UTRN: variants seen among roughly 807,000 people sequenced by gnomAD.
The protein encoded by UTRN is dystrophin-related protein 1.
UTRN carries 283 observed loss-of-function variants against 463.9 expected under a neutral mutation model. The ratio of observed to expected loss-of-function variants is 0.61; its 90% CI spans 0.55 to 0.67. The LOEUF (loss-of-function observed/expected upper bound fraction) is 0.67. Ranked by LOEUF, UTRN falls within the 30% of genes least tolerant of loss-of-function variation. UTRN has a pLI of 0.00. For synonymous variants in UTRN, 1,442 were observed against 1,431.5 expected (o/e 1.01, Z -0.17); for missense variants, 3,922 against 4,084.3 (o/e 0.96, Z 1.08).
intron 34 of UTRN, among the ~76,000 whole-genome samples, chr6:144,503,520 T>G (rs1794410077): frequency 6.6e-6 from 1 of 152,180 alleles, no homozygotes; most frequent in Non-Finnish European, 1.5e-5. Context: ...CTTTCCCTAT[T>G]GCTTGTTTTT....
At chr6:144,417,665 G>C (rs184787100) in intron 3 of UTRN, among the ~76,000 whole-genome samples, 1 of 152,120 alleles carries the variant, frequency 6.6e-6, no homozygotes, top group Non-Finnish European at 1.5e-5. Flanking sequence ...GTAATATTTT[G>C]TGACATGTGG....
chr6:144,707,008 A>G (rs1785164778), intron 53 of UTRN: 1 of 152,236 alleles, frequency 6.6e-6, no homozygotes, highest in African/African-American at 2.4e-5. Flanking sequence ...CATAGCACAT[A>G]GAGCACAGCA....
At position 144,441,793 on chromosome 6, in the gene UTRN, C is replaced by A. The variant is rs534385018; in HGVS notation, c.1512+1322C>A. Among the ~76,000 whole-genome samples, 3 of 152,298 alleles carry A rather than the reference C, an allele frequency of 2.0e-5. 1 individual carries two copies. In the South Asian group the frequency reaches 6.2e-4, roughly 32 times the overall value. On this transcript the variant is annotated intron_variant, in intron 13 of 74. Coordinates refer to ENST00000367545, the MANE Select transcript of UTRN (RefSeq NM_007124.3). ...GGACATCCACGTGTTTCCATACATC[C>A]TCTGAAATCTAGGTGGATGTTCCCA...
In UTRN at chr6:144,485,397, T is replaced by C. The variant is rs1792337791; in HGVS notation, c.3700T>C (p.Cys1234Arg). Residue 1234 changes from cysteine to arginine, a missense_variant, in exon 28 of 75, where the codon TGT becomes CGT. Physicochemically the swap from Cys to Arg is radical, Grantham distance 180. Around this residue, in one of 3 missense-constraint regions of UTRN, gnomAD observed 2,349 missense variants for 2,303.8 expected, o/e 1.02. Coordinates refer to ENST00000367545, the MANE Select transcript of UTRN (RefSeq NM_007124.3). The part of the protein sequence containing the change: ...KCHTLEEVWS[C>R]WIELLHYLDL... ...TTTCATGCTTTAGGAGGTCTGGTCT[T>C]GTTGGATTGAACTGCTTCACTATTT... 6.2e-7 allele frequency: 1 copy of C among 1,614,044 alleles called. No homozygotes were observed. Among genetic ancestry groups the C allele is most frequent in the African/African-American group, 1.3e-5 (1 of 74,928 alleles).
Position 144,396,535 on chromosome 6 carries a change from T to C in UTRN, c.80-6588T>C, listed in dbSNP as rs192204493. On this transcript the variant is annotated intron_variant, in intron 2 of 74. Coordinates refer to ENST00000367545, the MANE Select transcript of UTRN (RefSeq NM_007124.3). The stretch of plus-strand genomic sequence containing the variant: ...CTGAAATCACAAATATTGTTATGTA[T>C]TTTACCACAATTAAAAAAAATCTAT... 2.1e-3 allele frequency among the ~76,000 whole-genome samples: 326 copies of C among 152,326 alleles called. 1 individual carries two copies. Among genetic ancestry groups the C allele is most frequent in the Middle Eastern group, 0.014 (4 of 294 alleles).
chr6:144,695,508 T>C (rs1026545266), intron 52 of UTRN, among the ~76,000 whole-genome samples: 6 of 152,130 alleles, frequency 3.9e-5, no homozygotes, highest in Admixed American at 6.5e-5. Context: ...TACGCCCAGC[T>C]AATTTTTTGT....
At chr6:144,626,019 T>A (rs1034686822) in intron 51 of UTRN, among the ~76,000 whole-genome samples, 1 of 152,210 alleles carries the variant, frequency 6.6e-6, no homozygotes, top group African/African-American at 2.4e-5. Flanking sequence ...TTTCTATAGC[T>A]GTATCACAGA....
intron 54 of UTRN, among the ~76,000 whole-genome samples, chr6:144,736,270 G>T (rs1425225731): frequency 6.6e-6 from 1 of 152,186 alleles, no homozygotes; most frequent in South Asian, 2.1e-4. Context: ...AGTACTCAAT[G>T]TTGGAGAGGT....
At position 144,851,207 on chromosome 6, in the gene UTRN, T is replaced by C; in HGVS notation, c.*210T>C. 1 of 612,062 alleles carries C rather than the reference T, an allele frequency of 1.6e-6. No homozygotes were observed. The highest frequency in any genetic ancestry group is 2.8e-5 in the East Asian group (1 of 35,538). The allele number at this position is 612,062 out of a possible 1,614,324, so 37.9% of individuals were successfully genotyped here. A position where few individuals can be genotyped will look rare whatever the true frequency, so the allele number is the denominator to read the frequency against. On this transcript the variant is annotated 3_prime_UTR_variant, in exon 75 of 75. Transcript: ENST00000367545. ...TTATAATAACCATATATTATTGTTT[T>C]CTTCTTCCCTTTCTATGCAAGTGTA...
Position 144,636,961 on chromosome 6 carries a change from T to TTTTG in UTRN, c.7480-41425_7480-41422dup, listed in dbSNP as rs537561607. Among the ~76,000 whole-genome samples, 37 of 152,176 alleles carry TTTTG rather than the reference T, an allele frequency of 2.4e-4. No homozygotes were observed. In the Middle Eastern group the frequency reaches 0.017, roughly 70 times the overall value. Reference sequence around the variant, plus strand: ...GTTGAAATCGTGCTTCTTTCTTGATTTTTGTTTGTTTGTTTGTTTGTTTTT... The same window carrying TTTTG: ...GTTGAAATCGTGCTTCTTTCTTGATTTTTGTTTGTTTGTTTGTTTGTTTGTTTTT... On this transcript the variant is annotated intron_variant, in intron 51 of 74. Transcript: ENST00000367545.
At chr6:144,428,944 T>A in intron 8 of UTRN, 51 bp downstream of exon 8, 1 of 1,229,704 alleles carries the variant, frequency 8.1e-7, no homozygotes, top group Non-Finnish European at 1.1e-6. Flanking sequence ...CAGTTTTGCA[T>A]TCTTGAAAAG....
In UTRN at chr6:144,291,760, C is replaced by A; in HGVS notation, c.-69C>A. ...AGGTATTGATGTCAAGCTGAACCAT[C>A]GTAGGAAGTTGAAAGCCTTAGAAAG... is the stretch of plus-strand genomic sequence containing the variant. On this transcript the variant is annotated 5_prime_UTR_variant, in exon 2 of 75. Coordinates refer to ENST00000367545, the MANE Select transcript of UTRN (RefSeq NM_007124.3). 3 of 1,418,016 alleles carry A rather than the reference C, an allele frequency of 2.1e-6. No homozygotes were observed. Among genetic ancestry groups the A allele is most frequent in the South Asian group, 1.3e-5 (1 of 78,556 alleles). The allele number at this position is 1,418,016 out of a possible 1,614,324, so 87.8% of individuals were successfully genotyped here. A position where few individuals can be genotyped will look rare whatever the true frequency, so the allele number is the denominator to read the frequency against.
intron 51 of UTRN, among the ~76,000 whole-genome samples, chr6:144,633,873 A>G (rs1310026793): frequency 6.6e-6 from 1 of 152,234 alleles, no homozygotes; most frequent in Non-Finnish European, 1.5e-5. Flanking sequence ...GTCAGAAAAT[A>G]TTTCCTCACT....
intron 19 of UTRN, among the ~76,000 whole-genome samples, chr6:144,457,904 A>G (rs1789027236): frequency 6.6e-6 from 1 of 152,160 alleles, no homozygotes; most frequent in African/African-American, 2.4e-5. Context: ...TCCTTTTGGT[A>G]TGCATGTTTT....
intron 53 of UTRN, among the ~76,000 whole-genome samples, chr6:144,711,083 C>T (rs539214905): frequency 6.6e-5 from 10 of 152,180 alleles, no homozygotes; most frequent in East Asian, 3.9e-4. Flanking sequence ...TTTGGGAAGC[C>T]GAGGCGGGTG....
chr6:144,475,964 T>C (rs1037753215), intron 25 of UTRN, among the ~76,000 whole-genome samples: 1 of 151,056 alleles, frequency 6.6e-6, no homozygotes, highest in Non-Finnish European at 1.5e-5. Context: ...TAGTCCCAGC[T>C]ACTTAGGAGG....
chr6:144,850,031 G>A (rs548533327), intron 74 of UTRN, among the ~76,000 whole-genome samples: 1 of 152,280 alleles, frequency 6.6e-6, no homozygotes, highest in South Asian at 2.1e-4. Context: ...TTCACAGGAG[G>A]GCCTCCCCTC....
chr6:144,410,335 A>G (rs1783774629), intron 3 of UTRN, among the ~76,000 whole-genome samples: 1 of 152,170 alleles, frequency 6.6e-6, no homozygotes, highest in Admixed American at 6.5e-5. Flanking sequence ...GTATACATGG[A>G]ATAAGCTATA....
chr6:144,837,848 A>T (rs1056812207), intron 71 of UTRN, among the ~76,000 whole-genome samples: 2 of 152,186 alleles, frequency 1.3e-5, no homozygotes, highest in Admixed American at 6.5e-5. Context: ...GTTCAATGGA[A>T]GGCTTACTTC....
Sources: gnomAD v4.1 joint callset for allele counts (sites outside exome capture counted in the v4.1 genomes callset) on GRCh38, gnomAD v4.1.1 for gene constraint, gnomAD v4.1.1 regional missense constraint, MANE v1.5 for transcripts, NCBI Gene and HGNC (gene_info 2026-07-23, HGNC 2026-07-21) for gene names.